Variants in DCDC2 observed in about 807,000 individuals in gnomAD.
The protein encoded by DCDC2 is doublecortin domain containing 2, also known as doublecortin domain-containing protein 2.
A neutral mutation model predicts 50.2 loss-of-function variants in DCDC2; 40 were observed. That is an observed-to-expected ratio of 0.80 (90% CI 0.62 to 1.04). DCDC2 has a LOEUF of 1.04. Ranked by LOEUF, DCDC2 falls within the 50% of genes least tolerant of loss-of-function variation. The pLI is 0.00. For missense variants in DCDC2, 570 were observed against 581.9 expected (o/e 0.98, Z 0.21); for synonymous variants, 234 against 210.6 (o/e 1.11, Z -0.96).
intron 7 of DCDC2, among the ~76,000 whole-genome samples, chr6:24,226,675 C>A (rs1323713655): frequency 6.6e-6 from 1 of 152,102 alleles, no homozygotes; most frequent in Non-Finnish European, 1.5e-5. Flanking sequence ...TGCTCATGGG[C>A]AGAGAGAATA....
chr6:24,226,861 C>A (rs571786274), intron 7 of DCDC2, among the ~76,000 whole-genome samples: 4 of 152,286 alleles, frequency 2.6e-5, no homozygotes, highest in African/African-American at 7.2e-5. Context: ...ATATAATTAA[C>A]AATGATCCAC....
At chr6:24,343,285 G>A (rs1444789232) in intron 2 of DCDC2, among the ~76,000 whole-genome samples, 2 of 151,924 alleles carry the variant, frequency 1.3e-5, no homozygotes, top group African/African-American at 4.8e-5. Context: ...TCCTGACTTC[G>A]TGATCCACCC....
At chr6:24,208,672 T>A (rs181561932) in intron 7 of DCDC2, among the ~76,000 whole-genome samples, 1 of 152,234 alleles carries the variant, frequency 6.6e-6, no homozygotes, top group African/African-American at 2.4e-5. Context: ...GCTCAGCCCC[T>A]CTGCACTACT....
chr6:24,244,780 C>G (rs1762635751), intron 7 of DCDC2, among the ~76,000 whole-genome samples: 1 of 152,216 alleles, frequency 6.6e-6, no homozygotes, highest in Non-Finnish European at 1.5e-5. Context: ...CGTGAAAACT[C>G]TGACAAAATT....
the DCDC2 span, among the ~76,000 whole-genome samples, chr6:24,376,208 G>A: frequency 6.6e-6 from 1 of 152,188 alleles, no homozygotes; most frequent in Non-Finnish European, 1.5e-5. Context: ...GTGGCTACAA[G>A]TAAAACCTGA....
intron 2 of DCDC2, among the ~76,000 whole-genome samples, chr6:24,332,117 C>T (rs1329544940): frequency 6.6e-6 from 1 of 152,120 alleles, no homozygotes; most frequent in Non-Finnish European, 1.5e-5. Flanking sequence ...GAAATACATT[C>T]CCAGTGTGGG....
At chr6:24,208,249 G>GACTT (rs1761767677) in intron 7 of DCDC2, among the ~76,000 whole-genome samples, 2 of 151,648 alleles carry the variant, frequency 1.3e-5, no homozygotes, top group Non-Finnish European at 2.9e-5. Context: ...CCCAACAGCA[G>GACTT]ACTTACTCAT....
At chr6:24,278,331 G>T in intron 6 of DCDC2, 120 bp from the exon 7 acceptor site, 1 of 817,292 alleles carries the variant, frequency 1.2e-6, no homozygotes, top group Non-Finnish European at 1.9e-6. Context: ...TATTGTCCTG[G>T]TTCTGCAACT....
At chr6:24,371,132 C>T in the DCDC2 span, among the ~76,000 whole-genome samples, 19 of 151,688 alleles carry the variant, frequency 1.3e-4, no homozygotes, top group African/African-American at 4.4e-4. Flanking sequence ...AAAAAATTAG[C>T]TGGGTGTGGC....
At chr6:24,362,301 T>G (rs183212127), upstream of DCDC2, among the ~76,000 whole-genome samples, 245 of 146,010 alleles carry the variant, frequency 1.7e-3, 1 homozygote, top group African/African-American at 5.4e-3. Context: ...TTATTTTTTA[T>G]TTAATTGTAT....
chr6:24,329,839 G>A (rs1404695767), intron 2 of DCDC2, among the ~76,000 whole-genome samples: 1 of 152,172 alleles, frequency 6.6e-6, no homozygotes, highest in Non-Finnish European at 1.5e-5. Flanking sequence ...CAGGCAGGGA[G>A]AGGCTTGTGT....
At chr6:24,300,390 GAAATTAA>G (rs1759346931) in intron 4 of DCDC2, among the ~76,000 whole-genome samples, 1 of 152,120 alleles carries the variant, frequency 6.6e-6, no homozygotes, top group Non-Finnish European at 1.5e-5. Flanking sequence ...TCAAAAAAAT[GAAATTAA>G]AAATTAAAAA....
At chr6:24,272,092 T>C (rs1370241059) in intron 7 of DCDC2, among the ~76,000 whole-genome samples, 1 of 152,050 alleles carries the variant, frequency 6.6e-6, no homozygotes, top group Non-Finnish European at 1.5e-5. Context: ...AAGAATCCTT[T>C]TCGAAAAAGG....
intron 8 of DCDC2, among the ~76,000 whole-genome samples, chr6:24,203,787 C>G (rs914023204): frequency 8.1e-5 from 12 of 148,714 alleles, no homozygotes; most frequent in African/African-American, 1.5e-4. Flanking sequence ...AAAAAATTTA[C>G]AAGAAAAAAA....
At chr6:24,317,723 A>T (rs1463076522) in intron 2 of DCDC2, among the ~76,000 whole-genome samples, 2 of 151,976 alleles carry the variant, frequency 1.3e-5, no homozygotes, top group African/African-American at 4.8e-5. Context: ...GACAAACTAG[A>T]AGAAAATATT....
rs765315104 is a variant in DCDC2 at position 24,171,929 on chromosome 6, T to C, written c.*2801A>G. On this transcript the variant is annotated 3_prime_UTR_variant, in exon 10 of 10. Transcript: ENST00000378454. Reference sequence around the variant, plus strand: ...ACAAAGAATTAACATATTAAAGCATTATATTGGTTATCACATAAAAGCATC... The same window carrying C: ...ACAAAGAATTAACATATTAAAGCATCATATTGGTTATCACATAAAAGCATC... The C allele has an allele frequency of 6.6e-6, 1 of 152,244 alleles. No homozygotes were observed. Among genetic ancestry groups the C allele is most frequent in the Non-Finnish European group, 1.5e-5 (1 of 68,036 alleles). 9.4% of individuals were successfully genotyped at this position (152,244 alleles called of 1,614,324 possible).
At chr6:24,360,206 T>TGCGCCTGGCTC (rs1333509001), upstream of DCDC2, among the ~76,000 whole-genome samples, 1 of 152,146 alleles carries the variant, frequency 6.6e-6, no homozygotes, top group Non-Finnish European at 1.5e-5. Context: ...AGGCCTGGCT[T>TGCGCCTGGCTC]GCGCCTGGCT....
intron 7 of DCDC2, among the ~76,000 whole-genome samples, chr6:24,220,887 A>AGAGT (rs76003525): frequency 7.0e-5 from 8 of 114,842 alleles, no homozygotes; most frequent in African/African-American, 2.6e-4. Context: ...CGAGAGCGAG[A>AGAGT]GAGTGAGCGA....
the DCDC2 span, among the ~76,000 whole-genome samples, chr6:24,372,173 G>C: frequency 3.3e-5 from 5 of 152,198 alleles, no homozygotes; most frequent in African/African-American, 1.2e-4. Context: ...TGTAATCCCA[G>C]CACTTTGGGA....
Sources: allele counts gnomAD v4.1 joint callset (sites outside exome capture counted in the v4.1 genomes callset), GRCh38; gene constraint gnomAD v4.1.1; transcripts MANE v1.5; gene names NCBI Gene and HGNC (gene_info 2026-07-23, HGNC 2026-07-21).